The following STN1 variants were observed in gnomAD, a reference collection of about 807,000 sequenced individuals.
STN1 encodes CST complex subunit STN1.
Under a neutral mutation model 45.5 loss-of-function variants are expected in STN1, and 29 were observed. The observed-to-expected ratio is 0.64, with a 90% CI of 0.47 to 0.87. The LOEUF is 0.87. STN1 is among the 40% of genes least tolerant of loss of function. The pLI, the probability that STN1 is intolerant of heterozygous loss-of-function variation, is 0.00. For missense variants in STN1, 376 were observed against 441.4 expected (o/e 0.85, Z 1.33); for synonymous variants, 148 against 159.0 (o/e 0.93, Z 0.52).
intron 7 of STN1, among the ~76,000 whole-genome samples, chr10:103,895,679 T>C (rs1843166622): frequency 1.3e-5 from 2 of 152,136 alleles, no homozygotes; most frequent in South Asian, 4.1e-4. Flanking sequence ...GAAGAGATAA[T>C]TAGGAGCACA....
intron 9 of STN1, among the ~76,000 whole-genome samples, chr10:103,884,258 G>A (rs1039972257): frequency 5.3e-5 from 8 of 151,886 alleles, no homozygotes; most frequent in African/African-American, 1.5e-4. Flanking sequence ...TTAGGTCGTC[G>A]GCAGTAGTCA....
chr10:103,898,772 G>A (rs1564633257), intron 6 of STN1, 105 bp downstream of exon 6: 9 of 1,358,078 alleles, frequency 6.6e-6, no homozygotes, highest in Non-Finnish European at 9.3e-6. Flanking sequence ...CAGTGCATAG[G>A]TGGATGATTC....
At chr10:103,884,831 T>G (rs1179322206) in intron 9 of STN1, among the ~76,000 whole-genome samples, 1 of 152,226 alleles carries the variant, frequency 6.6e-6, no homozygotes, top group Non-Finnish European at 1.5e-5. Context: ...AGACTGCTCC[T>G]GGGCTAACAA....
Position 103,900,123 on chromosome 10 carries a change from G to C in STN1, c.396C>G (p.Ile132Met). The part of the protein sequence containing the change: ...QKTKIEIGDT[I>M]RVRGSIRTYR... ...ATGTGCGGATACTGCCTCTGACTCG[G>C]ATCGTGTCCCCGATCTCTATCTTTG... Residue 132 changes from isoleucine to methionine, a missense_variant, in exon 5 of 10, where the codon ATC (isoleucine) becomes ATG (methionine). Ile to Met is a conservative substitution (Grantham distance 10, BLOSUM62 1). Coordinates refer to ENST00000224950, the MANE Select transcript of STN1 (RefSeq NM_024928.5). 3 of 1,614,148 alleles carry C rather than the reference G, an allele frequency of 1.9e-6. No individual in the cohort carries two copies. Among genetic ancestry groups the C allele is most frequent in the Non-Finnish European group, 2.5e-6 (3 of 1,180,010 alleles).
chr10:103,890,132 AAG>A (rs1052847787), intron 8 of STN1, among the ~76,000 whole-genome samples: 1 of 152,316 alleles, frequency 6.6e-6, no homozygotes, highest in African/African-American at 2.4e-5. Flanking sequence ...GAAACAGAAA[AAG>A]AGAGAGGAAG....
intron 1 of STN1, 56 bp downstream of exon 1, chr10:103,918,044 G>A (rs1325206809): frequency 6.5e-6 from 1 of 154,146 alleles, no homozygotes; most frequent in African/African-American, 2.4e-5. Context: ...TAAACTTTCC[G>A]CTTTTGGGGA....
At chr10:103,893,289 CT>C (rs1843152110) in intron 7 of STN1, among the ~76,000 whole-genome samples, 1 of 152,118 alleles carries the variant, frequency 6.6e-6, no homozygotes. Context: ...CTGCCTCAGC[CT>C]CCCGAGTAGC....
chr10:103,885,864 C>T (rs9325507), intron 9 of STN1, among the ~76,000 whole-genome samples: 67,590 of 151,998 alleles, frequency 0.44, 15,727 homozygotes, highest in Non-Finnish European at 0.5. Flanking sequence ...TATCTTATGA[C>T]GGATCACTAT....
chr10:103,916,793 A>AC (rs55942500), intron 2 of STN1, among the ~76,000 whole-genome samples: 2 of 9,098 alleles, frequency 2.2e-4, no homozygotes, highest in African/African-American at 4.2e-4. Context: ...ATTCTAATAC[A>AC]AAAAAAAAAA....
At chr10:103,894,633 T>G (rs4918069) in intron 7 of STN1, among the ~76,000 whole-genome samples, 33,744 of 151,060 alleles carry the variant, frequency 0.22, 4,207 homozygotes, top group Non-Finnish European at 0.27. Flanking sequence ...CTTTCTTGTC[T>G]TTTTCAAAAA....
At chr10:103,886,237 T>C (rs1213959995) in intron 9 of STN1, among the ~76,000 whole-genome samples, 1 of 152,318 alleles carries the variant, frequency 6.6e-6, no homozygotes, top group Middle Eastern at 3.4e-3. Flanking sequence ...TAACATTTAG[T>C]GAAAGGCTGC....
chr10:103,895,393 C>T (rs149517680), intron 7 of STN1, among the ~76,000 whole-genome samples: 107 of 152,280 alleles, frequency 7.0e-4, no homozygotes, highest in African/African-American at 2.3e-3. Flanking sequence ...ATATGGTCTT[C>T]GCTAAGCTTT....
Position 103,877,697 on chromosome 10 carries a change from T to C in STN1, c.*4987A>G, listed in dbSNP as rs963408772. 1 of 152,220 alleles carries C rather than the reference T, an allele frequency of 6.6e-6. No homozygotes were observed. The highest frequency in any genetic ancestry group is 1.5e-5 in the Non-Finnish European group (1 of 68,036). 9.4% of individuals were successfully genotyped at this position (152,220 alleles called of 1,614,324 possible). A position where few individuals can be genotyped will look rare whatever the true frequency, so the allele number is the denominator to read the frequency against. On this transcript the variant is annotated 3_prime_UTR_variant, in exon 10 of 10. Coordinates refer to ENST00000224950, the MANE Select transcript of STN1 (RefSeq NM_024928.5). The stretch of plus-strand genomic sequence containing the variant: ...AATGAAAACTCACTTATGTGGGAGT[T>C]TGAGCTCACATTTACAGCCTCCACC...
chr10:103,917,173 A>G (rs1843338346), intron 2 of STN1, among the ~76,000 whole-genome samples: 1 of 151,952 alleles, frequency 6.6e-6, no homozygotes, highest in Admixed American at 6.6e-5. Context: ...AGGGCCAAAG[A>G]AAAACAAATG....
chr10:103,903,928 T>A (rs1447506730), intron 4 of STN1, among the ~76,000 whole-genome samples: 3 of 152,252 alleles, frequency 2.0e-5, no homozygotes, highest in Non-Finnish European at 2.9e-5. Flanking sequence ...TTGATTTAGA[T>A]GTTCCCAAAT....
At chr10:103,894,906 G>C (rs1224479059) in intron 7 of STN1, among the ~76,000 whole-genome samples, 3 of 152,090 alleles carry the variant, frequency 2.0e-5, no homozygotes, top group Non-Finnish European at 4.4e-5. Context: ...TGCTAAGAAG[G>C]ACCACTATGA....
At chr10:103,896,428 A>T (rs1183809636) in intron 7 of STN1, among the ~76,000 whole-genome samples, 1 of 152,166 alleles carries the variant, frequency 6.6e-6, no homozygotes, top group Non-Finnish European at 1.5e-5. Flanking sequence ...TTAAGCTGAG[A>T]TCATTCCCTG....
In STN1 at chr10:103,898,934, C is replaced by A. The variant is rs2134365808; in HGVS notation, c.524G>T (p.Arg175Met). ...ARMLELPTIY[R>M]KVYDQPFHSS... ...GTGAAAAGGCTGGTCATAAACTTTC[C>A]TGTAGATAGTGGGCAGCTCAAGCAT... The change falls in exon 6 of 10, where the codon AGG becomes ATG. Residue 175 changes from arginine to methionine, a missense_variant. Transcript: ENST00000224950. 6.2e-7 allele frequency: 1 copy of A among 1,614,080 alleles called. No individual in the cohort carries two copies. Among genetic ancestry groups the A allele is most frequent in the Non-Finnish European group, 8.5e-7 (1 of 1,179,988 alleles).
Position 103,882,835 on chromosome 10 carries a change from T to C in STN1, c.956A>G (p.Glu319Gly). The change falls in exon 10 of 10, where the codon GAG (glutamate) becomes GGG (glycine). Residue 319 changes from glutamate to glycine, a missense_variant. Physicochemically the swap from Glu to Gly is moderately conservative, Grantham distance 98 (BLOSUM62 -2). Coordinates refer to ENST00000224950, the MANE Select transcript of STN1 (RefSeq NM_024928.5). ...GATGTGCAGGAAGTGACAGCCCTTCTCCATGTCTGCAGGAAAAAGGTAGGT... is the reference window on the plus strand; with the variant it reads ...GATGTGCAGGAAGTGACAGCCCTTCCCCATGTCTGCAGGAAAAAGGTAGGT... ...QQDCQKPNHMEKGCHFLHILA... is the reference protein window; with the variant it reads ...QQDCQKPNHMGKGCHFLHILA... 2 of 1,611,126 alleles carry C rather than the reference T, an allele frequency of 1.2e-6. No homozygotes were observed. The highest frequency in any genetic ancestry group is 1.7e-6 in the Non-Finnish European group (2 of 1,177,984).
Sources: gnomAD v4.1 joint callset for allele counts (sites outside exome capture counted in the v4.1 genomes callset) on GRCh38, gnomAD v4.1.1 for gene constraint, MANE v1.5 for transcripts, NCBI Gene and HGNC (gene_info 2026-07-23, HGNC 2026-07-21) for gene names.